KCNMA1: variants seen among roughly 807,000 people sequenced by gnomAD.
KCNMA1 encodes the protein Calcium-activated potassium channel subunit alpha-1.
A neutral mutation model predicts 140.0 loss-of-function variants in KCNMA1; 29 were observed. The ratio of observed to expected loss-of-function variants is 0.21; its 90% CI spans 0.15 to 0.28. The LOEUF is 0.28. Among genes scored for constraint, KCNMA1 ranks in the 10% least tolerant of loss-of-function variants. KCNMA1 has a pLI of 1.00. For synonymous variants in KCNMA1, 612 were observed against 611.9 expected (o/e 1.00, Z 0.00); for missense variants, 880 against 1,602.2 (o/e 0.55, Z 7.70).
intron 25 of KCNMA1, among the ~76,000 whole-genome samples, chr10:76,896,634 G>T (rs1023046172): frequency 1.3e-5 from 2 of 152,112 alleles, no homozygotes; most frequent in Non-Finnish European, 2.9e-5. Flanking sequence ...CAGTCCCTCC[G>T]TTTGGGGTCT....
intron 15 of KCNMA1, among the ~76,000 whole-genome samples, chr10:77,037,797 T>C (rs1351858682): frequency 6.6e-6 from 1 of 152,080 alleles, no homozygotes; most frequent in Non-Finnish European, 1.5e-5. Context: ...AAAACTAGCT[T>C]CTGTTAAAAA....
chr10:77,289,412 G>A (rs1601412699), intron 2 of KCNMA1, among the ~76,000 whole-genome samples: 2 of 152,196 alleles, frequency 1.3e-5, no homozygotes. Flanking sequence ...GTATGCAAAT[G>A]CCATCTGCCC....
At chr10:77,517,825 C>G (rs1282661941) in intron 1 of KCNMA1, among the ~76,000 whole-genome samples, 2 of 152,090 alleles carry the variant, frequency 1.3e-5, no homozygotes, top group Non-Finnish European at 2.9e-5. Flanking sequence ...AGGTAAAGTA[C>G]TGCCTCCATG....
At chr10:77,183,024 A>C (rs1227418652) in intron 5 of KCNMA1, among the ~76,000 whole-genome samples, 3 of 152,166 alleles carry the variant, frequency 2.0e-5, no homozygotes, top group African/African-American at 7.2e-5. Flanking sequence ...AAGCAGACCA[A>C]AGCTAACTTT....
At chr10:77,034,012 T>A (rs1292046170) in intron 15 of KCNMA1, among the ~76,000 whole-genome samples, 1 of 152,058 alleles carries the variant, frequency 6.6e-6, no homozygotes, top group Non-Finnish European at 1.5e-5. Context: ...GAGGCCAAGG[T>A]GGGTGGATCG....
chr10:77,482,006 C>A lies in KCNMA1; in HGVS notation c.379-77983G>T, dbSNP rs139276970. ...AGGGCCAGATCCCTGGCACAAAGTGCCTACCCTGCATTGCCTTCAGCTAAC... is the reference window on the plus strand; with the variant it reads ...AGGGCCAGATCCCTGGCACAAAGTGACTACCCTGCATTGCCTTCAGCTAAC... On this transcript the variant is annotated intron_variant, in intron 1 of 27. Transcript: ENST00000286628. 9.9e-4 allele frequency among the ~76,000 whole-genome samples: 151 copies of A among 152,216 alleles called. 1 individual carries two copies. Among genetic ancestry groups the A allele is most frequent in the Non-Finnish European group, 1.9e-3 (131 of 68,038 alleles).
At chr10:77,148,920 A>G (rs1284731388) in intron 5 of KCNMA1, among the ~76,000 whole-genome samples, 1 of 152,266 alleles carries the variant, frequency 6.6e-6, no homozygotes, top group Non-Finnish European at 1.5e-5. Context: ...TTCACAAGGT[A>G]GAAATCTGTA....
intron 1 of KCNMA1, among the ~76,000 whole-genome samples, chr10:77,521,595 A>T (rs540792375): frequency 9.5e-4 from 145 of 152,374 alleles, no homozygotes; most frequent in African/African-American, 3.3e-3. Context: ...AGGATCGGAC[A>T]AGTAAAAAGA....
intron 1 of KCNMA1, among the ~76,000 whole-genome samples, chr10:77,426,239 GC>G (rs2096986395): frequency 1.3e-5 from 2 of 152,120 alleles, no homozygotes; most frequent in African/African-American, 4.8e-5. Flanking sequence ...AATCTTCAAG[GC>G]CTGCTTCAAG....
intron 14 of KCNMA1, among the ~76,000 whole-genome samples, chr10:77,042,315 G>A (rs2094766676): frequency 6.6e-6 from 1 of 152,124 alleles, no homozygotes; most frequent in Non-Finnish European, 1.5e-5. Flanking sequence ...TAAAAGATAT[G>A]CTTGACTTAT....
intron 19 of KCNMA1, 142 bp downstream of exon 19, chr10:77,001,265 G>A: frequency 4.0e-6 from 3 of 758,270 alleles, no homozygotes; most frequent in Non-Finnish European, 6.7e-6. Flanking sequence ...AGGCAGCTGG[G>A]GCAACATGTC....
At chr10:77,543,705 A>T (rs2060720366) in intron 1 of KCNMA1, among the ~76,000 whole-genome samples, 1 of 152,212 alleles carries the variant, frequency 6.6e-6, no homozygotes, top group African/African-American at 2.4e-5. Flanking sequence ...AAAGAATACA[A>T]CTGGAAATTG....
chr10:77,206,679 A>G (rs2044220730), intron 3 of KCNMA1, among the ~76,000 whole-genome samples: 1 of 152,154 alleles, frequency 6.6e-6, no homozygotes, highest in Admixed American at 6.6e-5. Context: ...AAAAGCAGAA[A>G]ACATGTGTGT....
chr10:77,523,349 A>G (rs1031284129), intron 1 of KCNMA1, among the ~76,000 whole-genome samples: 15 of 152,214 alleles, frequency 9.9e-5, no homozygotes, highest in Admixed American at 1.3e-4. Flanking sequence ...CACTGCCCCA[A>G]TAGTTGGTCC....
intron 1 of KCNMA1, among the ~76,000 whole-genome samples, chr10:77,527,839 G>A (rs1225842801): frequency 1.3e-5 from 2 of 152,078 alleles, no homozygotes; most frequent in African/African-American, 4.8e-5. Context: ...CTCATCCCCA[G>A]GGGCTGGCTC....
intron 1 of KCNMA1, among the ~76,000 whole-genome samples, chr10:77,542,208 G>T (rs913984795): frequency 6.6e-6 from 1 of 152,192 alleles, no homozygotes; most frequent in Non-Finnish European, 1.5e-5. Flanking sequence ...CTCCAGAATT[G>T]TGAGAAATAA....
chr10:77,321,077 A>C (rs2082211858), intron 2 of KCNMA1, among the ~76,000 whole-genome samples: 1 of 152,236 alleles, frequency 6.6e-6, no homozygotes, highest in Non-Finnish European at 1.5e-5. Context: ...CTAGCAGCTT[A>C]ATATTTTGCC....
intron 25 of KCNMA1, among the ~76,000 whole-genome samples, chr10:76,894,304 C>T (rs377679131): frequency 4.6e-5 from 7 of 152,194 alleles, no homozygotes; most frequent in Admixed American, 2.6e-4. Context: ...GGACCTATAC[C>T]TCACACTATA....
At chr10:77,401,502 G>A (rs1187305177) in intron 2 of KCNMA1, among the ~76,000 whole-genome samples, 6 of 152,130 alleles carry the variant, frequency 3.9e-5, no homozygotes, top group African/African-American at 1.4e-4. Context: ...GCTGTCTCCA[G>A]GACACTTCCC....
Sources: gnomAD v4.1 joint callset for allele counts (sites outside exome capture counted in the v4.1 genomes callset) on GRCh38, gnomAD v4.1.1 for gene constraint, MANE v1.5 for transcripts, NCBI Gene and HGNC (gene_info 2026-07-23, HGNC 2026-07-21) for gene names.